RGS21: variants seen among roughly 807,000 people sequenced by gnomAD.
RGS21 encodes the protein regulator of G protein signaling 21.
Under a neutral mutation model 18.7 loss-of-function variants are expected in RGS21, and 19 were observed. The observed-to-expected ratio is 1.01, with a 90% CI of 0.71 to 1.49. RGS21 has a LOEUF of 1.49. Ranked by LOEUF, RGS21 falls within the 40% of genes most tolerant of loss-of-function variation. The pLI, the probability that RGS21 is intolerant of heterozygous loss-of-function variation, is 0.00. For synonymous variants in RGS21, 56 were observed against 57.8 expected, an observed-to-expected ratio of 0.97 and a Z score of 0.14; for missense variants, 194 against 176.8, an observed-to-expected ratio of 1.10 and a Z score of -0.55.
intron 1 of RGS21, among the ~76,000 whole-genome samples, chr1:192,335,336 A>G (rs1658752063): frequency 6.6e-6 from 1 of 152,200 alleles, no homozygotes; most frequent in South Asian, 2.1e-4. Context: ...ATGAAATTAG[A>G]TACTCTCTTT....
rs528606919 is a variant in RGS21 at position 192,345,860 on chromosome 1, T to C, written c.12-1453T>C. On this transcript the variant is annotated intron_variant, in intron 2 of 4. Transcript: ENST00000417209. ...TACAAGTTCTAATATTTGAGTTATA[T>C]GAAATATAACATAAGCTTATTTGAG... Among the ~76,000 whole-genome samples the C allele has an allele frequency of 4.6e-5, 7 of 152,206 alleles. No homozygotes were observed. The South Asian group carries it at 1.2e-3, about 27-fold the overall frequency.
intron 4 of RGS21, among the ~76,000 whole-genome samples, chr1:192,354,863 T>G (rs1659090187): frequency 6.6e-6 from 1 of 151,718 alleles, no homozygotes; most frequent in African/African-American, 2.4e-5. Flanking sequence ...TTAATAATTA[T>G]TTGCTGATGC....
intron 1 of RGS21, among the ~76,000 whole-genome samples, chr1:192,335,213 C>A (rs1658750237): frequency 6.6e-6 from 1 of 151,996 alleles, no homozygotes; most frequent in Non-Finnish European, 1.5e-5. Flanking sequence ...TCAGTTAAAC[C>A]TGTTTGAATC....
At position 192,343,066 on chromosome 1, in the gene RGS21, C is replaced by A; in HGVS notation, c.11+19C>A. ...CAGTGAAGTGAGTTGCCGTTTCCAG[C>A]TATTTTTATCTCAGAAGATGTACAA... On this transcript the variant is annotated intron_variant, in intron 2 of 4. Coordinates refer to ENST00000417209, the MANE Select transcript of RGS21 (RefSeq NM_001039152.3). 6.2e-7 allele frequency: 1 copy of A among 1,610,196 alleles called. No individual in the cohort carries two copies. Among genetic ancestry groups the A allele is most frequent in the Non-Finnish European group, 8.5e-7 (1 of 1,176,730 alleles).
intron 1 of RGS21, among the ~76,000 whole-genome samples, chr1:192,321,474 T>C (rs1473061840): frequency 6.6e-6 from 1 of 152,034 alleles, no homozygotes; most frequent in African/African-American, 2.4e-5. Context: ...CCCAGGCATA[T>C]TGATGAAATC....
At chr1:192,356,634 G>C (rs1036237367) in intron 4 of RGS21, among the ~76,000 whole-genome samples, 1 of 151,706 alleles carries the variant, frequency 6.6e-6, no homozygotes, top group Admixed American at 6.6e-5. Context: ...ACTGAGTCTT[G>C]GGGGAAGAAA....
intron 1 of RGS21, among the ~76,000 whole-genome samples, chr1:192,325,353 T>C (rs1388659934): frequency 1.3e-5 from 2 of 152,124 alleles, no homozygotes; most frequent in Non-Finnish European, 2.9e-5. Flanking sequence ...ATGTAGCATA[T>C]TATCTTTACC....
At chr1:192,352,334 T>C in intron 4 of RGS21, 121 bp downstream of exon 4, 1 of 622,606 alleles carries the variant, frequency 1.6e-6, no homozygotes, top group Non-Finnish European at 2.5e-6. Flanking sequence ...ATAGAAAATG[T>C]CAGTAGATTC....
intron 1 of RGS21, among the ~76,000 whole-genome samples, chr1:192,329,732 G>A (rs1260256337): frequency 6.6e-6 from 1 of 150,788 alleles, no homozygotes. Flanking sequence ...TAGTACAGAT[G>A]AGAAAAGGGG....
At chr1:192,350,808 C>T (rs545167659) in intron 3 of RGS21, among the ~76,000 whole-genome samples, 9 of 152,276 alleles carry the variant, frequency 5.9e-5, no homozygotes, top group Admixed American at 3.9e-4. Context: ...TACCTTCTCA[C>T]ATAAGCTCTG....
intron 4 of RGS21, among the ~76,000 whole-genome samples, chr1:192,359,208 AG>A (rs1163576941): frequency 2.6e-5 from 4 of 152,128 alleles, no homozygotes; most frequent in Admixed American, 2.6e-4. Flanking sequence ...CTGAAACCAA[AG>A]GGTATCCATA....
chr1:192,350,429 C>T (rs1476459881), intron 3 of RGS21, among the ~76,000 whole-genome samples: 1 of 152,096 alleles, frequency 6.6e-6, no homozygotes, highest in Non-Finnish European at 1.5e-5. Context: ...TTATTGTTTT[C>T]TATTTCTGTA....
At chr1:192,362,153 T>C (rs534692619) in intron 4 of RGS21, among the ~76,000 whole-genome samples, 2 of 152,236 alleles carry the variant, frequency 1.3e-5, no homozygotes, top group African/African-American at 4.8e-5. Flanking sequence ...GTGTGAAGAA[T>C]CTCAAATGCC....
At position 192,367,218 on chromosome 1, in the gene RGS21, T is replaced by C. The variant is rs920957107; in HGVS notation, c.*1094T>C. On this transcript the variant is annotated 3_prime_UTR_variant, in exon 5 of 5. Coordinates refer to ENST00000417209, the MANE Select transcript of RGS21 (RefSeq NM_001039152.3). ...TGGCTTATTTTATGTTTTCACAAAC[T>C]ACTCATTTGATAGACAAAATTTTGT... is the stretch of plus-strand genomic sequence containing the variant. The C allele has an allele frequency of 8.6e-6, 1 of 116,618 alleles. No individual in the cohort carries two copies. The highest frequency in any genetic ancestry group is 2.6e-5 in the African/African-American group (1 of 37,806). 7.2% of individuals were successfully genotyped at this position (116,618 alleles called of 1,614,324 possible).
At chr1:192,319,959 C>A (rs969427191) in intron 1 of RGS21, among the ~76,000 whole-genome samples, 3 of 151,980 alleles carry the variant, frequency 2.0e-5, no homozygotes, top group African/African-American at 7.2e-5. Flanking sequence ...CCTGTGGTTG[C>A]TGGAAGTCAG....
chr1:192,344,846 G>A (rs895349142), intron 2 of RGS21, among the ~76,000 whole-genome samples: 2 of 151,990 alleles, frequency 1.3e-5, no homozygotes, highest in African/African-American at 4.8e-5. Flanking sequence ...CTTCAGAGCC[G>A]ATGGGCAATT....
chr1:192,342,909 A>T (rs1658892058), intron 1 of RGS21, 68 bp from the exon 2 acceptor site: 1 of 886,396 alleles, frequency 1.1e-6, no homozygotes, highest in Non-Finnish European at 1.8e-6. Context: ...AAAGAATGCC[A>T]ATTTGTAACC....
At chr1:192,323,201 GT>G (rs1260766911) in intron 1 of RGS21, among the ~76,000 whole-genome samples, 2 of 152,136 alleles carry the variant, frequency 1.3e-5, no homozygotes, top group Admixed American at 6.6e-5. Flanking sequence ...GTCACTCCTT[GT>G]TTTACCCCAC....
chr1:192,331,071 T>C (rs572413232), intron 1 of RGS21, among the ~76,000 whole-genome samples: 2 of 152,330 alleles, frequency 1.3e-5, no homozygotes, highest in South Asian at 4.1e-4. Flanking sequence ...GTTATGGCTC[T>C]ACTCAACTAG....
Sources: allele counts gnomAD v4.1 joint callset (sites outside exome capture counted in the v4.1 genomes callset), GRCh38; gene constraint gnomAD v4.1.1; transcripts MANE v1.5; gene names NCBI Gene and HGNC (gene_info 2026-07-23, HGNC 2026-07-21).